Variants in TANC1 observed in about 807,000 individuals in gnomAD.
The protein encoded by TANC1 is tetratricopeptide repeat, ankyrin repeat and coiled-coil containing 1, also known as protein TANC1.
In TANC1, 77 loss-of-function variants were observed where a neutral mutation model predicts 149.7. The observed-to-expected ratio is 0.51, with a 90% CI of 0.43 to 0.62. The LOEUF (loss-of-function observed/expected upper bound fraction) is 0.62. Ranked by LOEUF, TANC1 falls within the 20% of genes least tolerant of loss-of-function variation. The pLI is 0.00. For synonymous variants in TANC1, 854 were observed against 925.0 expected (o/e 0.92, Z 1.39); for missense variants, 1,985 against 2,321.8 (o/e 0.85, Z 2.98).
intron 2 of TANC1, among the ~76,000 whole-genome samples, chr2:159,029,344 CTT>C (rs2039601317): frequency 6.6e-6 from 1 of 152,090 alleles, no homozygotes; most frequent in Non-Finnish European, 1.5e-5. Context: ...GACTTCAGTT[CTT>C]TTGGATAAAT....
At chr2:159,188,267 G>A (rs1225565654) in intron 16 of TANC1, among the ~76,000 whole-genome samples, 5 of 152,222 alleles carry the variant, frequency 3.3e-5, no homozygotes, top group African/African-American at 1.2e-4. Context: ...TGTATTAAAT[G>A]TTGTCATACA....
At position 159,004,460 on chromosome 2, in the gene TANC1, T is replaced by C. The variant is rs1008536891; in HGVS notation, c.-16+3271T>C. The C allele has an allele frequency of 3.9e-5, 28 of 708,878 alleles. No individual in the cohort carries two copies. In the African/African-American group the frequency reaches 4.3e-4, roughly 11 times the overall value. 43.9% of individuals were successfully genotyped at this position (708,878 alleles called of 1,614,324 possible). A position where few individuals can be genotyped will look rare whatever the true frequency, so the allele number is the denominator to read the frequency against. ...TTTTCTATATTAATAATGCTGTTTG[T>C]TCAGCATTTTTCAGTCATTTGATTT... On this transcript the variant is annotated intron_variant, in intron 2 of 26. Coordinates refer to ENST00000263635, the MANE Select transcript of TANC1 (RefSeq NM_033394.3).
intron 19 of TANC1, among the ~76,000 whole-genome samples, chr2:159,215,078 G>A (rs887942976): frequency 4.6e-5 from 7 of 152,210 alleles, no homozygotes; most frequent in Admixed American, 1.3e-4. Context: ...GACCAGAAGC[G>A]AAGTGAGAGC....
chr2:159,034,731 TTATG>T (rs1307605649), intron 2 of TANC1, among the ~76,000 whole-genome samples: 5 of 152,244 alleles, frequency 3.3e-5, no homozygotes, highest in Non-Finnish European at 7.3e-5. Flanking sequence ...TCTTCCTCTG[TTATG>T]TAAGCTTGCT....
chr2:159,123,022 C>G (rs1400033426), intron 4 of TANC1, among the ~76,000 whole-genome samples: 1 of 152,120 alleles, frequency 6.6e-6, no homozygotes, highest in East Asian at 1.9e-4. Flanking sequence ...TCTGATTAAA[C>G]TCATAAATCC....
intron 2 of TANC1, among the ~76,000 whole-genome samples, chr2:159,015,636 A>T (rs2038197512): frequency 6.6e-6 from 1 of 152,172 alleles, no homozygotes; most frequent in East Asian, 1.9e-4. Context: ...ATAAAACTGG[A>T]TGCCTTTAAT....
At chr2:159,119,511 A>T (rs953785177) in intron 4 of TANC1, among the ~76,000 whole-genome samples, 2 of 152,232 alleles carry the variant, frequency 1.3e-5, no homozygotes, top group Non-Finnish European at 2.9e-5. Context: ...GTAATGTAAA[A>T]TCTTGATCAC....
At chr2:159,119,782 A>G (rs572036097) in intron 4 of TANC1, among the ~76,000 whole-genome samples, 2 of 152,144 alleles carry the variant, frequency 1.3e-5, no homozygotes, top group Non-Finnish European at 2.9e-5. Flanking sequence ...CAGGTTACCT[A>G]TGCAATCTGT....
At chr2:159,187,050 C>G (rs745690739) in intron 16 of TANC1, 26 bp downstream of exon 16, 16 of 1,612,486 alleles carry the variant, frequency 9.9e-6, no homozygotes, top group Admixed American at 8.3e-5. Context: ...CACAGAGAGC[C>G]GGAGACCCAG....
At chr2:159,120,227 A>ACT (rs1174438633) in intron 4 of TANC1, among the ~76,000 whole-genome samples, 1 of 152,188 alleles carries the variant, frequency 6.6e-6, no homozygotes, top group African/African-American at 2.4e-5. Flanking sequence ...GGAAAGGATG[A>ACT]CTGTGATAGC....
Position 159,136,049 on chromosome 2 carries a change from T to TGTGTGTGCGA in TANC1, c.260-144_260-143insTGTGTGCGAG. The TGTGTGTGCGA allele has an allele frequency of 1.4e-4, 13 of 90,874 alleles. 1 individual carries two copies. The highest frequency in any genetic ancestry group is 2.4e-4 in the Admixed American group (1 of 4,172). The allele number at this position is 90,874 out of a possible 1,614,324, so 5.6% of individuals were successfully genotyped here. ...GTGTGTGTGTGTGTGTGTGTGTGTG[T>TGTGTGTGCGA]GCGCGCGCGCGCGTTTAAGGGAGGG... On this transcript the variant is annotated intron_variant, in intron 4 of 26. Coordinates refer to ENST00000263635, the MANE Select transcript of TANC1 (RefSeq NM_033394.3).
intron 25 of TANC1, 58 bp from the exon 26 acceptor site, chr2:159,228,738 C>A: frequency 7.8e-7 from 1 of 1,278,408 alleles, no homozygotes; most frequent in Non-Finnish European, 1.1e-6. Context: ...ACTAGACGGG[C>A]TTCCCACAAT....
chr2:159,167,694 G>A (rs998576660), intron 8 of TANC1, among the ~76,000 whole-genome samples: 7 of 152,318 alleles, frequency 4.6e-5, no homozygotes, highest in East Asian at 3.9e-4. Flanking sequence ...GGCAGGGCAC[G>A]TGTTGGATTG....
rs1246934718 is a variant in TANC1 at position 159,097,580 on chromosome 2, T to C, written c.62-57T>C. On this transcript the variant is annotated intron_variant, in intron 3 of 26. Transcript: ENST00000263635. ...AGAATATAGTTTATAGGAGTTAAAT[T>C]TGCATCAACTTATAATGAATGGATG... 3.0e-6 allele frequency: 4 copies of C among 1,324,888 alleles called. No homozygotes were observed. In the African/African-American group the frequency reaches 5.7e-5, roughly 19 times the overall value. The allele number at this position is 1,324,888 out of a possible 1,614,324, so 82.1% of individuals were successfully genotyped here.
chr2:158,992,723 T>C (rs923323275), intron 1 of TANC1, among the ~76,000 whole-genome samples: 3 of 147,348 alleles, frequency 2.0e-5, no homozygotes, highest in African/African-American at 7.5e-5. Flanking sequence ...GGTTTCACCG[T>C]GTTAGCCAGG....
At chr2:159,116,593 G>A (rs1049393950) in intron 4 of TANC1, among the ~76,000 whole-genome samples, 11 of 152,168 alleles carry the variant, frequency 7.2e-5, no homozygotes, top group Non-Finnish European at 1.2e-4. Context: ...TCCCTGTTGC[G>A]ACTATGTAAC....
Position 159,231,392 on chromosome 2 carries a change from A to ACCAAGTGATGTACAT in TANC1, c.*393_*407dup, listed in dbSNP as rs1390757533. 2 of 170,498 alleles carry ACCAAGTGATGTACAT rather than the reference A, an allele frequency of 1.2e-5. No individual in the cohort carries two copies. The highest frequency in any genetic ancestry group is 2.6e-5 in the Non-Finnish European group (2 of 78,326). The allele number at this position is 170,498 out of a possible 1,614,324, so 10.6% of individuals were successfully genotyped here. A position where few individuals can be genotyped will look rare whatever the true frequency, so the allele number is the denominator to read the frequency against. ...TCAAGAGTAACAGGTTTAACTCATGACCAAGTGATGTACATCCAAGTGATG... is the reference window on the plus strand; with the variant it reads ...TCAAGAGTAACAGGTTTAACTCATGACCAAGTGATGTACATCCAAGTGATGTACATCCAAGTGATG... On this transcript the variant is annotated 3_prime_UTR_variant, in exon 27 of 27. Transcript: ENST00000263635.
chr2:159,006,295 CA>C (rs71406138), intron 2 of TANC1, among the ~76,000 whole-genome samples: 1,284 of 75,116 alleles, frequency 0.017, 7 homozygotes, highest in African/African-American at 0.059. Context: ...GACTTAGTCT[CA>C]AAAAAAAAAA....
At chr2:159,090,813 C>T (rs1245085756) in intron 3 of TANC1, among the ~76,000 whole-genome samples, 1 of 152,192 alleles carries the variant, frequency 6.6e-6, no homozygotes, top group East Asian at 1.9e-4. Context: ...AATAAATGTC[C>T]AGTACCCACG....
Sources: gnomAD v4.1 joint callset for allele counts (sites outside exome capture counted in the v4.1 genomes callset) on GRCh38, gnomAD v4.1.1 for gene constraint, MANE v1.5 for transcripts, NCBI Gene and HGNC (gene_info 2026-07-23, HGNC 2026-07-21) for gene names.